NRG1: variants seen among roughly 807,000 people sequenced by gnomAD.
NRG1 encodes pro-neuregulin-1, membrane-bound isoform.
Under a neutral mutation model 63.8 loss-of-function variants are expected in NRG1, and 18 were observed. The observed-to-expected ratio is 0.28, with a 90% confidence interval of 0.19 to 0.42. NRG1 has a LOEUF of 0.42. Ranked by LOEUF, NRG1 falls within the 10% of genes least tolerant of loss-of-function variation. The probability of loss-of-function intolerance (pLI) is 1.00; values close to 1 mark genes in which losing one functional copy is unlikely to be tolerated. For missense variants in NRG1, 762 were observed against 814.7 expected, an observed-to-expected ratio of 0.94 and a Z score of 0.79; for synonymous variants, 302 against 301.3, an observed-to-expected ratio of 1.00 and a Z score of -0.02.
intron 1 of NRG1, among the ~76,000 whole-genome samples, chr8:31,893,120 T>TATATTA (rs1343038476): frequency 1.3e-5 from 2 of 150,914 alleles, no homozygotes; most frequent in African/African-American, 4.8e-5. Context: ...ACTATATTAA[T>TATATTA]ATATGTATTG....
chr8:32,370,543 T>C (rs2129482669), intron 1 of NRG1, among the ~76,000 whole-genome samples: 1 of 152,094 alleles, frequency 6.6e-6, no homozygotes, highest in South Asian at 2.1e-4. Flanking sequence ...CTACTTTCAT[T>C]ATTATTATTA....
intron 1 of NRG1, among the ~76,000 whole-genome samples, chr8:32,027,331 G>A (rs1435943944): frequency 2.0e-5 from 3 of 152,004 alleles, no homozygotes; most frequent in South Asian, 2.1e-4. Flanking sequence ...TTGCTTATAT[G>A]AATTTCAAAT....
intron 1 of NRG1, among the ~76,000 whole-genome samples, chr8:32,127,057 G>A (rs1001351008): frequency 1.3e-5 from 2 of 151,904 alleles, no homozygotes; most frequent in African/African-American, 2.4e-5. Flanking sequence ...TTGTATTAAT[G>A]TAGTTGGGTT....
chr8:31,968,173 G>A (rs909841797), intron 1 of NRG1, among the ~76,000 whole-genome samples: 3 of 152,074 alleles, frequency 2.0e-5, no homozygotes, highest in African/African-American at 4.8e-5. Flanking sequence ...AAAATAAGAT[G>A]GGCAAAAATA....
chr8:32,603,334 C>G (rs1844689751), intron 2 of NRG1, among the ~76,000 whole-genome samples: 1 of 152,136 alleles, frequency 6.6e-6, no homozygotes, highest in Non-Finnish European at 1.5e-5. Flanking sequence ...ATTCAAGATG[C>G]TGAGAAATCC....
intron 1 of NRG1, among the ~76,000 whole-genome samples, chr8:32,395,212 C>A (rs10102991): frequency 0.75 from 114,271 of 152,012 alleles, 43,842 homozygotes; most frequent in Middle Eastern, 0.84. Flanking sequence ...TAACAATAAT[C>A]ATAGTGAACA....
chr8:32,081,845 A>G (rs1331412734), intron 1 of NRG1, among the ~76,000 whole-genome samples: 1 of 152,064 alleles, frequency 6.6e-6, no homozygotes, highest in Middle Eastern at 3.2e-3. Context: ...CGATCTGTGG[A>G]TTGTTATCAT....
At chr8:32,614,109 C>G (rs1447112374) in intron 3 of NRG1, among the ~76,000 whole-genome samples, 1 of 152,004 alleles carries the variant, frequency 6.6e-6, no homozygotes, top group Non-Finnish European at 1.5e-5. Context: ...TATTTTTGAA[C>G]AAAAATGTAC....
chr8:32,174,410 C>T (rs936155484), intron 1 of NRG1, among the ~76,000 whole-genome samples: 1 of 152,010 alleles, frequency 6.6e-6, no homozygotes, highest in African/African-American at 2.4e-5. Flanking sequence ...ACCCTAACAT[C>T]ACAATTAAAA....
At chr8:32,412,728 T>C (rs2129485571) in intron 1 of NRG1, among the ~76,000 whole-genome samples, 1 of 151,986 alleles carries the variant, frequency 6.6e-6, no homozygotes, top group East Asian at 1.9e-4. Context: ...TACTGAATAC[T>C]GGAGGCAATT....
At chr8:32,568,748 A>G (rs1837947504) in intron 1 of NRG1, among the ~76,000 whole-genome samples, 1 of 152,230 alleles carries the variant, frequency 6.6e-6, no homozygotes, top group African/African-American at 2.4e-5. Flanking sequence ...GAAAGTTTGC[A>G]TGCCTGAGTA....
intron 1 of NRG1, among the ~76,000 whole-genome samples, chr8:32,552,210 CT>C (rs35243877): frequency 0.59 from 73,116 of 124,662 alleles, 20,294 homozygotes; most frequent in East Asian, 0.74. Flanking sequence ...CGCTTGGCCG[CT>C]TTTTTTTTTT....
At chr8:31,682,688 A>C (rs182323049) in intron 1 of NRG1, among the ~76,000 whole-genome samples, 4 of 152,128 alleles carry the variant, frequency 2.6e-5, no homozygotes, top group Non-Finnish European at 5.9e-5. Context: ...TAGATAAAAT[A>C]CTGTCCAGCT....
At chr8:31,832,755 A>G (rs1445069233) in intron 1 of NRG1, among the ~76,000 whole-genome samples, 1 of 152,188 alleles carries the variant, frequency 6.6e-6, no homozygotes, top group Admixed American at 6.5e-5. Flanking sequence ...TATCATCGCA[A>G]TGAAATCTTG....
intron 1 of NRG1, among the ~76,000 whole-genome samples, chr8:32,409,205 G>C (rs1814538846): frequency 6.6e-6 from 1 of 152,050 alleles, no homozygotes; most frequent in African/African-American, 2.4e-5. Context: ...GCCATATGCA[G>C]AACAATGAAA....
intron 1 of NRG1, among the ~76,000 whole-genome samples, chr8:32,084,340 G>C (rs1827918531): frequency 1.3e-5 from 2 of 152,060 alleles, no homozygotes; most frequent in Admixed American, 1.3e-4. Context: ...TTAGAACATA[G>C]TCATTTAGTT....
intron 1 of NRG1, among the ~76,000 whole-genome samples, chr8:31,940,608 A>C (rs2129621036): frequency 6.6e-6 from 1 of 152,056 alleles, no homozygotes; most frequent in East Asian, 1.9e-4. Context: ...AATAAATAAA[A>C]AGCTGTTTCT....
At chr8:31,799,542 G>A (rs1821549536) in intron 1 of NRG1, among the ~76,000 whole-genome samples, 1 of 151,852 alleles carries the variant, frequency 6.6e-6, no homozygotes, top group Non-Finnish European at 1.5e-5. Context: ...TAACATGTTG[G>A]TATATTTCTT....
chr8:32,147,306 G>C (rs1836976332), intron 1 of NRG1, among the ~76,000 whole-genome samples: 2 of 152,082 alleles, frequency 1.3e-5, no homozygotes, highest in African/African-American at 4.8e-5. Flanking sequence ...GTCTTCATAA[G>C]GATATTCACC....
Sources: gnomAD v4.1 joint callset for allele counts (sites outside exome capture counted in the v4.1 genomes callset) on GRCh38, gnomAD v4.1.1 for gene constraint, MANE v1.5 for transcripts, NCBI Gene and HGNC (gene_info 2026-07-23, HGNC 2026-07-21) for gene names.